The following GRM8 variants were observed in gnomAD, a reference collection of about 807,000 sequenced individuals.
GRM8 encodes glutamate metabotropic receptor 8.
Under a neutral mutation model 87.2 loss-of-function variants are expected in GRM8, and 47 were observed. That is an observed-to-expected ratio of 0.54 (90% CI 0.43 to 0.69). GRM8 has a LOEUF of 0.69. GRM8 is among the 30% of genes least tolerant of loss of function. The probability of loss-of-function intolerance (pLI) is 0.00; values close to 1 mark genes in which losing one functional copy is unlikely to be tolerated. For synonymous variants in GRM8, 396 were observed against 404.5 expected (o/e 0.98, Z 0.25); for missense variants, 1,019 against 1,139.2 (o/e 0.89, Z 1.52).
intron 7 of GRM8, among the ~76,000 whole-genome samples, chr7:126,768,926 G>GCAAAAAAAAAAAAA (rs1818515925): frequency 2.8e-5 from 2 of 70,966 alleles, no homozygotes; most frequent in African/African-American, 9.0e-5. Flanking sequence ...AAGGAAAAAT[G>GCAAAAAAAAAAAAA]CAAAAAAAAA....
At chr7:126,492,951 T>A (rs932992566) in intron 9 of GRM8, among the ~76,000 whole-genome samples, 1 of 152,030 alleles carries the variant, frequency 6.6e-6, no homozygotes, top group Admixed American at 6.6e-5. Flanking sequence ...ATGTAAAACA[T>A]ATCAGTATGG....
At chr7:126,821,478 G>C (rs971962563) in intron 6 of GRM8, among the ~76,000 whole-genome samples, 18 of 152,144 alleles carry the variant, frequency 1.2e-4, no homozygotes, top group African/African-American at 3.6e-4. Flanking sequence ...GTTACGAACA[G>C]GGAATGAAAA....
chr7:127,092,653 GCCAAGGTTGTGC>G (rs1266139254), intron 3 of GRM8, among the ~76,000 whole-genome samples: 1 of 152,212 alleles, frequency 6.6e-6, no homozygotes, highest in African/African-American at 2.4e-5. Flanking sequence ...ATTGCAGTGA[GCCAAGGTTGTGC>G]CACTGCACTA....
At chr7:126,451,558 C>T (rs541059170) in intron 9 of GRM8, among the ~76,000 whole-genome samples, 30 of 151,768 alleles carry the variant, frequency 2.0e-4, no homozygotes, top group African/African-American at 6.8e-4. Flanking sequence ...CTAGAATAAT[C>T]CCATTATTCA....
At position 126,590,966 on chromosome 7, in the gene GRM8, AT is replaced by A. The variant is rs534835138; in HGVS notation, c.1494+18395del. Among the ~76,000 whole-genome samples, 389 of 150,902 alleles carry A rather than the reference AT, an allele frequency of 2.6e-3. 1 individual carries two copies. Among genetic ancestry groups the A allele is most frequent in the Non-Finnish European group, 3.8e-3 (254 of 67,582 alleles). On this transcript the variant is annotated intron_variant, in intron 8 of 10. Coordinates refer to ENST00000339582, the MANE Select transcript of GRM8 (RefSeq NM_000845.3). The stretch of plus-strand genomic sequence containing the variant: ...GACCAATAAAACAACAACACCATAA[AT>A]TTTTTTTTTAAAAAAAGGTATTTAG...
At chr7:126,620,708 A>G (rs1800065505) in intron 7 of GRM8, among the ~76,000 whole-genome samples, 1 of 132,010 alleles carries the variant, frequency 7.6e-6, no homozygotes. Context: ...ATGAGATGAC[A>G]GTGTATATGA....
At chr7:126,798,496 G>A (rs1327584291) in intron 6 of GRM8, among the ~76,000 whole-genome samples, 1 of 152,124 alleles carries the variant, frequency 6.6e-6, no homozygotes, top group African/African-American at 2.4e-5. Flanking sequence ...GGATCATTCT[G>A]AATCATCAGC....
intron 3 of GRM8, among the ~76,000 whole-genome samples, chr7:126,992,273 T>C (rs1254781360): frequency 6.6e-6 from 1 of 152,048 alleles, no homozygotes; most frequent in Non-Finnish European, 1.5e-5. Context: ...CCCAGTTCAA[T>C]AAAGCAAAAA....
chr7:127,233,022 G>A (rs1797782191), intron 2 of GRM8, among the ~76,000 whole-genome samples: 1 of 151,976 alleles, frequency 6.6e-6, no homozygotes, highest in South Asian at 2.1e-4. Flanking sequence ...TTTAGAGACG[G>A]GGTTTCACCA....
chr7:126,808,308 C>T (rs935425716), intron 6 of GRM8, among the ~76,000 whole-genome samples: 1 of 152,078 alleles, frequency 6.6e-6, no homozygotes, highest in Non-Finnish European at 1.5e-5. Flanking sequence ...CCATCACCTA[C>T]CGAAAAGGAT....
In GRM8 at chr7:126,689,614, G is replaced by A. The variant is rs74957538; in HGVS notation, c.1358-80116C>T. On this transcript the variant is annotated intron_variant, in intron 7 of 10. Coordinates refer to ENST00000339582, the MANE Select transcript of GRM8 (RefSeq NM_000845.3). ...TCAGGGGTGAGAAGGTTGGGATCTA[G>A]GGGGTGGCTGGAAAGGATTTTCCAA... 1.3e-3 allele frequency among the ~76,000 whole-genome samples: 203 copies of A among 152,274 alleles called. 2 individuals carry two copies. Among genetic ancestry groups the A allele is most frequent in the African/African-American group, 4.7e-3 (195 of 41,540 alleles).
At chr7:127,052,469 G>C (rs2132503833) in intron 3 of GRM8, among the ~76,000 whole-genome samples, 1 of 152,300 alleles carries the variant, frequency 6.6e-6, no homozygotes, top group South Asian at 2.1e-4. Context: ...TGTAGAACCT[G>C]TGTTTGAAGA....
intron 7 of GRM8, among the ~76,000 whole-genome samples, chr7:126,679,185 T>C (rs1264499477): frequency 6.6e-6 from 1 of 152,234 alleles, no homozygotes; most frequent in Non-Finnish European, 1.5e-5. Context: ...AAGCTTGTGG[T>C]CCAATGGAGA....
chr7:127,205,651 C>A (rs1795866810), intron 2 of GRM8, among the ~76,000 whole-genome samples: 1 of 152,120 alleles, frequency 6.6e-6, no homozygotes, highest in Admixed American at 6.6e-5. Flanking sequence ...GGGTAAGAAA[C>A]CTCACCTGGG....
At position 126,438,812 on chromosome 7, in the gene GRM8, T is replaced by A. The variant is rs145577512; in HGVS notation, c.*307A>T. On this transcript the variant is annotated 3_prime_UTR_variant, in exon 11 of 11. Coordinates refer to ENST00000339582, the MANE Select transcript of GRM8 (RefSeq NM_000845.3). The stretch of plus-strand genomic sequence containing the variant: ...AAAAATACAAGAATAACATCAGACA[T>A]TATTTATTTCAACAGCATTTTTTTT... The A allele has an allele frequency of 7.7e-4, 216 of 280,514 alleles. 2 individuals are homozygous for A. The East Asian group carries it at 0.013, about 17-fold the overall frequency. The allele number at this position is 280,514 out of a possible 1,614,324, so 17.4% of individuals were successfully genotyped here.
rs527712701 is a variant in GRM8, at chr7:127,145,556, C to G, written c.511-38844G>C. ...TCATATTACTGAACATCTGTAATACCTGTCTCTGATTTTGTAATACACTAG... is the reference window on the plus strand; with the variant it reads ...TCATATTACTGAACATCTGTAATACGTGTCTCTGATTTTGTAATACACTAG... On this transcript the variant is annotated intron_variant, in intron 2 of 10. Coordinates refer to ENST00000339582, the MANE Select transcript of GRM8 (RefSeq NM_000845.3). Among the ~76,000 whole-genome samples, 89 of 152,222 alleles carry G rather than the reference C, an allele frequency of 5.8e-4. 1 individual carries two copies. The South Asian group carries it at 0.012, about 20-fold the overall frequency.
At chr7:126,656,417 T>C (rs1426069010) in intron 7 of GRM8, among the ~76,000 whole-genome samples, 1 of 152,074 alleles carries the variant, frequency 6.6e-6, no homozygotes, top group Non-Finnish European at 1.5e-5. Flanking sequence ...AGTGGCTCAC[T>C]CCTGTAAACC....
intron 2 of GRM8, among the ~76,000 whole-genome samples, chr7:127,134,796 A>C (rs190707157): frequency 1.4e-4 from 22 of 152,280 alleles, no homozygotes; most frequent in African/African-American, 5.1e-4. Context: ...CTGGACATAA[A>C]AAACATTTTA....
At chr7:126,934,509 A>G (rs1806087169) in intron 3 of GRM8, among the ~76,000 whole-genome samples, 1 of 152,234 alleles carries the variant, frequency 6.6e-6, no homozygotes. Flanking sequence ...TTAAAGTCAA[A>G]AAACATTAAA....
Sources: allele counts gnomAD v4.1 joint callset (sites outside exome capture counted in the v4.1 genomes callset), GRCh38; gene constraint gnomAD v4.1.1; transcripts MANE v1.5; gene names NCBI Gene and HGNC (gene_info 2026-07-23, HGNC 2026-07-21).